Variants in CELF1 observed in about 807,000 individuals in gnomAD.
CELF1 encodes the protein 50 kDa nuclear polyadenylated RNA-binding protein.
Under a neutral mutation model 61.8 loss-of-function variants are expected in CELF1, and 10 were observed. The ratio of observed to expected loss-of-function variants is 0.16; its 90% CI spans 0.10 to 0.27. The LOEUF is 0.27. CELF1 is among the 10% of genes least tolerant of loss of function. The probability of loss-of-function intolerance (pLI) is 1.00; values close to 1 mark genes in which losing one functional copy is unlikely to be tolerated. For synonymous variants in CELF1, 236 were observed against 225.1 expected (o/e 1.05, Z -0.43); for missense variants, 380 against 639.1 (o/e 0.59, Z 4.37).
At chr11:47,476,758 G>A in intron 12 of CELF1, 88 bp downstream of exon 12, 1 of 1,031,648 alleles carries the variant, frequency 9.7e-7, no homozygotes, top group South Asian at 1.3e-5. Flanking sequence ...CTGGGCCACT[G>A]CAATCATTCC....
rs2076696464 is a variant in CELF1 at position 47,466,437 on chromosome 11, T to C, written c.*5793A>G. On this transcript the variant is annotated 3_prime_UTR_variant, in exon 15 of 15. Transcript: ENST00000687097. ...TGGCAATTTTTTTTTCTCTTCACAT[T>C]GTGAAATCACTTTACATTGTTTTCT... 6.6e-6 allele frequency: 1 copy of C among 152,150 alleles called. No individual in the cohort carries two copies. The highest frequency in any genetic ancestry group is 2.4e-5 in the African/African-American group (1 of 41,428). The allele number at this position is 152,150 out of a possible 1,614,324, so 9.4% of individuals were successfully genotyped here. A position where few individuals can be genotyped will look rare whatever the true frequency, so the allele number is the denominator to read the frequency against.
chr11:47,548,702 C>T (rs189523961), intron 1 of CELF1, among the ~76,000 whole-genome samples: 1 of 151,790 alleles, frequency 6.6e-6, no homozygotes, highest in South Asian at 2.1e-4. Flanking sequence ...TCCCTCTCTA[C>T]TAAAAATACA....
In CELF1 at chr11:47,486,457, G is replaced by A. The variant is rs371685697; in HGVS notation, c.391+293C>T. The stretch of plus-strand genomic sequence containing the variant: ...CAGAGTCTCACTCTGTTGCCTGGGC[G>A]GGAGTACACTGGCATGATCTTAGCT... On this transcript the variant is annotated intron_variant, in intron 6 of 14. Transcript: ENST00000687097. 6.6e-5 allele frequency among the ~76,000 whole-genome samples: 10 copies of A among 151,634 alleles called. No individual in the cohort carries two copies. The East Asian group carries it at 7.8e-4, about 12-fold the overall frequency.
In CELF1 at chr11:47,482,676, G is replaced by C; in HGVS notation, c.768+19C>G. 1 of 1,607,644 alleles carries C rather than the reference G, an allele frequency of 6.2e-7. No homozygotes were observed. Among genetic ancestry groups the C allele is most frequent in the Non-Finnish European group, 8.5e-7 (1 of 1,176,424 alleles). On this transcript the variant is annotated intron_variant, in intron 9 of 14. Coordinates refer to ENST00000687097, the MANE Select transcript of CELF1 (RefSeq NM_001376376.1). ...TGGGAGCTTGCACAGTCTGCAGAAAGCAAACCACAAAGACTCACTGCTAAA... is the reference window on the plus strand; with the variant it reads ...TGGGAGCTTGCACAGTCTGCAGAAACCAAACCACAAAGACTCACTGCTAAA...
chr11:47,482,597 A>G (rs1200325249), intron 9 of CELF1, 98 bp downstream of exon 9: 6 of 1,203,360 alleles, frequency 5.0e-6, no homozygotes, highest in Non-Finnish European at 7.0e-6. Context: ...TATATGCCAA[A>G]AGTTGTAAAT....
chr11:47,510,861 G>A (rs112652080), intron 1 of CELF1, among the ~76,000 whole-genome samples: 2,410 of 152,078 alleles, frequency 0.016, 50 homozygotes, highest in African/African-American at 0.048. Context: ...TATAAGACAG[G>A]GAGCTAATAA....
intron 1 of CELF1, among the ~76,000 whole-genome samples, chr11:47,517,063 A>T (rs547810307): frequency 6.6e-6 from 1 of 152,224 alleles, no homozygotes; most frequent in Admixed American, 6.5e-5. Flanking sequence ...CCCAGGCAAT[A>T]TAGTGAGACT....
chr11:47,480,299 C>G (rs1283721493), intron 9 of CELF1, among the ~76,000 whole-genome samples: 1 of 152,156 alleles, frequency 6.6e-6, no homozygotes, highest in Non-Finnish European at 1.5e-5. Flanking sequence ...GTTGGTCAGG[C>G]TGGTCTCAAA....
chr11:47,555,322 A>G (rs2097202747), upstream of CELF1, among the ~76,000 whole-genome samples: 2 of 152,148 alleles, frequency 1.3e-5, no homozygotes, highest in South Asian at 2.1e-4. Context: ...AAACTCTTCC[A>G]TGCCCATCTT....
chr11:47,472,492 T>C lies in CELF1; in HGVS notation c.1418-135A>G, dbSNP rs2078046416. The C allele has an allele frequency of 3.3e-6, 3 of 906,348 alleles. No individual in the cohort carries two copies. In the African/African-American group the frequency reaches 5.0e-5, roughly 15 times the overall value. The allele number at this position is 906,348 out of a possible 1,614,324, so 56.1% of individuals were successfully genotyped here. A position where few individuals can be genotyped will look rare whatever the true frequency, so the allele number is the denominator to read the frequency against. ...CAGCAGGGACAAGAAATCTGGACAT[T>C]ATGTCATACGAAATAAATTAGGTTC... On this transcript the variant is annotated intron_variant, in intron 14 of 14. Coordinates refer to ENST00000687097, the MANE Select transcript of CELF1 (RefSeq NM_001376376.1).
intron 1 of CELF1, among the ~76,000 whole-genome samples, chr11:47,552,728 A>G (rs1260190785): frequency 6.6e-6 from 1 of 152,160 alleles, no homozygotes; most frequent in African/African-American, 2.4e-5. Flanking sequence ...GGGGAGAGGA[A>G]GCAAAGCCAC....
intron 1 of CELF1, among the ~76,000 whole-genome samples, chr11:47,550,686 C>G (rs529715850): frequency 6.6e-6 from 1 of 151,914 alleles, no homozygotes; most frequent in African/African-American, 2.4e-5. Context: ...TTTTGACTTA[C>G]CTGTTTTTTT....
At chr11:47,512,207 C>T (rs563170004) in intron 1 of CELF1, among the ~76,000 whole-genome samples, 60 of 150,524 alleles carry the variant, frequency 4.0e-4, no homozygotes, top group African/African-American at 1.4e-3. Flanking sequence ...GGCTGGAGTG[C>T]GGTGGCATGA....
upstream of CELF1, among the ~76,000 whole-genome samples, chr11:47,555,379 T>TAA (rs1555193986): frequency 6.6e-6 from 1 of 152,180 alleles, no homozygotes; most frequent in African/African-American, 2.4e-5. Context: ...TCTAACTCGA[T>TAA]AAACTTCTTG....
chr11:47,488,999 C>A lies in CELF1; in HGVS notation c.97G>T (p.Asp33Tyr). Residue 33 changes from aspartate to tyrosine, a missense_variant, in exon 4 of 15, where the codon GAC (aspartate) becomes TAC (tyrosine). Asp to Tyr is a radical substitution (Grantham distance 160). Transcript: ENST00000687097. Reference protein sequence around the residue: ...PVSKKMNGTLDHPDQPDLDAI... With the variant: ...PVSKKMNGTLYHPDQPDLDAI... ...TCAAGATCTGGTTGGTCTGGGTGGT[C>A]CAGGGTGCCGTTCATTTTCTTTGAG... 6.3e-7 allele frequency: 1 copy of A among 1,596,340 alleles called. No individual in the cohort carries two copies. Among genetic ancestry groups the A allele is most frequent in the South Asian group, 1.1e-5 (1 of 88,484 alleles).
At chr11:47,511,912 G>A (rs2095220665) in intron 1 of CELF1, among the ~76,000 whole-genome samples, 1 of 152,148 alleles carries the variant, frequency 6.6e-6, no homozygotes, top group Non-Finnish European at 1.5e-5. Flanking sequence ...GAAGTGGCAT[G>A]ATCTCGACTC....
At chr11:47,479,572 A>G (rs1051733802) in intron 9 of CELF1, among the ~76,000 whole-genome samples, 8 of 152,168 alleles carry the variant, frequency 5.3e-5, no homozygotes, top group Admixed American at 2.6e-4. Context: ...TGACCAAATG[A>G]CTGATGGATT....
upstream of CELF1, among the ~76,000 whole-genome samples, chr11:47,557,058 C>G (rs1402316116): frequency 6.6e-6 from 1 of 151,688 alleles, no homozygotes; most frequent in Non-Finnish European, 1.5e-5. Context: ...CACCACCACG[C>G]CCAGCTAATT....
At chr11:47,513,967 T>TG (rs1344056109) in intron 1 of CELF1, 1 of 150,274 alleles carries the variant, frequency 6.7e-6, no homozygotes, top group Non-Finnish European at 1.5e-5. Flanking sequence ...CTTGTTCTGT[T>TG]GTCCAGGCTG....
Sources: gnomAD v4.1 joint callset for allele counts (sites outside exome capture counted in the v4.1 genomes callset) on GRCh38, gnomAD v4.1.1 for gene constraint, MANE v1.5 for transcripts, NCBI Gene and HGNC (gene_info 2026-07-23, HGNC 2026-07-21) for gene names.